The following COL25A1 variants were observed in gnomAD, a reference collection of about 807,000 sequenced individuals.
COL25A1 encodes collagen type XXV alpha 1 chain, also known as collagen alpha-1(XXV) chain.
In COL25A1, 103 loss-of-function variants were observed where a neutral mutation model predicts 128.4. The observed-to-expected ratio is 0.80, with a 90% CI of 0.68 to 0.94. The LOEUF (loss-of-function observed/expected upper bound fraction) is 0.94, where lower values mean the gene tolerates loss of function less well. COL25A1 is among the 40% of genes least tolerant of loss of function. The probability of loss-of-function intolerance (pLI) is 0.00; values close to 1 mark genes in which losing one functional copy is unlikely to be tolerated. For synonymous variants in COL25A1, 279 were observed against 277.2 expected, an observed-to-expected ratio of 1.01 and a Z score of -0.06; for missense variants, 745 against 840.0, an observed-to-expected ratio of 0.89 and a Z score of 1.40.
At chr4:109,091,911 C>T (rs992762774) in intron 3 of COL25A1, among the ~76,000 whole-genome samples, 2 of 152,098 alleles carry the variant, frequency 1.3e-5, no homozygotes, top group East Asian at 1.9e-4. Context: ...TGTGAGCCAG[C>T]GCTGTATGCC....
At position 109,144,631 on chromosome 4, in the gene COL25A1, T is replaced by C. The variant is rs191330229; in HGVS notation, c.368-94452A>G. On this transcript the variant is annotated intron_variant, in intron 3 of 37. Coordinates refer to ENST00000399132, the MANE Select transcript of COL25A1 (RefSeq NM_198721.4). Reference sequence around the variant, plus strand: ...ATTCTTTTTGTTCAGTGAAGCCAAATATACTTGGGGAAAAACTTCAGACTC... The same window carrying C: ...ATTCTTTTTGTTCAGTGAAGCCAAACATACTTGGGGAAAAACTTCAGACTC... Among the ~76,000 whole-genome samples, 960 of 152,286 alleles carry C rather than the reference T, an allele frequency of 6.3e-3. 8 individuals are homozygous for C. The highest frequency in any genetic ancestry group is 9.5e-3 in the Non-Finnish European group (644 of 68,016).
At chr4:109,065,545 C>CGCGTGTGT (rs771855567) in intron 3 of COL25A1, among the ~76,000 whole-genome samples, 20 of 141,190 alleles carry the variant, frequency 1.4e-4, no homozygotes, top group African/African-American at 4.5e-4. Flanking sequence ...CGCGCGCGCG[C>CGCGTGTGT]GTGTGTGTGT....
rs570620913 is a variant in COL25A1 at position 109,250,638 on chromosome 4, T to C, written c.367+49945A>G. 1.3e-4 allele frequency among the ~76,000 whole-genome samples: 20 copies of C among 152,310 alleles called. 1 individual carries two copies. The South Asian group carries it at 3.9e-3, about 30-fold the overall frequency. On this transcript the variant is annotated intron_variant, in intron 3 of 37. Transcript: ENST00000399132. Reference sequence around the variant, plus strand: ...GACAGAGAAAGCAAATTCTCCCTTATTCTACCTTTTTGTTCTATTCAGGCC... The same window carrying C: ...GACAGAGAAAGCAAATTCTCCCTTACTCTACCTTTTTGTTCTATTCAGGCC...
intron 8 of COL25A1, among the ~76,000 whole-genome samples, chr4:108,959,758 A>G (rs1019672467): frequency 5.3e-5 from 8 of 152,244 alleles, no homozygotes; most frequent in African/African-American, 1.9e-4. Context: ...GAGTTACAGC[A>G]CTAACATTCA....
chr4:108,888,524 G>A (rs1741087764), intron 18 of COL25A1, among the ~76,000 whole-genome samples: 2 of 152,146 alleles, frequency 1.3e-5, no homozygotes, highest in Admixed American at 6.6e-5. Flanking sequence ...CTGCTAGCAT[G>A]TGTTTCCTGT....
chr4:109,189,328 A>G (rs1207132259), intron 3 of COL25A1, among the ~76,000 whole-genome samples: 1 of 152,028 alleles, frequency 6.6e-6, no homozygotes, highest in Non-Finnish European at 1.5e-5. Context: ...CAGGTTGATC[A>G]CTTGAGGTCA....
chr4:108,828,729 T>C (rs1732688405), intron 32 of COL25A1, among the ~76,000 whole-genome samples: 1 of 152,216 alleles, frequency 6.6e-6, no homozygotes, highest in Non-Finnish European at 1.5e-5. Flanking sequence ...GGAGTAATGG[T>C]GATTTTATAT....
intron 4 of COL25A1, 150 bp downstream of exon 4, chr4:109,049,985 A>C: frequency 1.9e-6 from 1 of 537,592 alleles, no homozygotes. Flanking sequence ...AAAAATAATA[A>C]ATAAACAAAT....
chr4:108,881,588 A>C (rs1245087812), intron 19 of COL25A1, among the ~76,000 whole-genome samples: 1 of 152,216 alleles, frequency 6.6e-6, no homozygotes, highest in Non-Finnish European at 1.5e-5. Flanking sequence ...CTACTCGTTC[A>C]AACTATGAAA....
chr4:109,002,536 C>A (rs1755548845), intron 6 of COL25A1, among the ~76,000 whole-genome samples: 1 of 151,960 alleles, frequency 6.6e-6, no homozygotes, highest in South Asian at 2.1e-4. Flanking sequence ...AGAACAAAGG[C>A]TGGAGGGTGG....
chr4:108,951,994 A>G (rs1411625724), intron 8 of COL25A1, among the ~76,000 whole-genome samples: 1 of 152,224 alleles, frequency 6.6e-6, no homozygotes, highest in Non-Finnish European at 1.5e-5. Flanking sequence ...AAAATTAATG[A>G]CAAAGAGCTC....
chr4:108,823,473 G>A (rs752515744), intron 35 of COL25A1, among the ~76,000 whole-genome samples: 2 of 152,004 alleles, frequency 1.3e-5, no homozygotes, highest in Non-Finnish European at 2.9e-5. Flanking sequence ...CAAAGGAGAG[G>A]AAAGGAAAAA....
chr4:109,171,548 A>G (rs1773588909), intron 3 of COL25A1, among the ~76,000 whole-genome samples: 1 of 152,164 alleles, frequency 6.6e-6, no homozygotes, highest in South Asian at 2.1e-4. Flanking sequence ...GACTAATTTC[A>G]TTTTTTCAAA....
intron 3 of COL25A1, among the ~76,000 whole-genome samples, chr4:109,153,267 C>T (rs1553945274): frequency 4.6e-5 from 7 of 151,562 alleles, no homozygotes; most frequent in Non-Finnish European, 1.0e-4. Context: ...TGCCTGTAAT[C>T]CCAGCTACTC....
At chr4:109,111,417 A>C (rs1767006360) in intron 3 of COL25A1, among the ~76,000 whole-genome samples, 1 of 152,194 alleles carries the variant, frequency 6.6e-6, no homozygotes, top group Non-Finnish European at 1.5e-5. Flanking sequence ...TGCTTTACAA[A>C]TTCTTCCATT....
At chr4:109,091,168 G>T (rs1262276214) in intron 3 of COL25A1, among the ~76,000 whole-genome samples, 1 of 152,164 alleles carries the variant, frequency 6.6e-6, no homozygotes, top group Non-Finnish European at 1.5e-5. Context: ...TCAATACTCT[G>T]ACTACAACCT....
intron 3 of COL25A1, among the ~76,000 whole-genome samples, chr4:109,247,895 C>T (rs140877343): frequency 4.6e-5 from 7 of 151,804 alleles, no homozygotes; most frequent in African/African-American, 1.7e-4. Context: ...AGGCAAGAAA[C>T]GGGTCAAGAA....
intron 18 of COL25A1, among the ~76,000 whole-genome samples, chr4:108,884,664 C>T (rs1386071512): frequency 6.6e-6 from 1 of 152,142 alleles, no homozygotes; most frequent in Non-Finnish European, 1.5e-5. Context: ...ATGGTCACAT[C>T]AAAACAATAT....
intron 3 of COL25A1, among the ~76,000 whole-genome samples, chr4:109,211,431 C>A (rs1434206438): frequency 7.6e-6 from 1 of 132,438 alleles, no homozygotes; most frequent in African/African-American, 3.3e-5. Flanking sequence ...TGTTTGCTAG[C>A]TGTTCACTCT....
Sources: allele counts gnomAD v4.1 joint callset (sites outside exome capture counted in the v4.1 genomes callset), GRCh38; gene constraint gnomAD v4.1.1; transcripts MANE v1.5; gene names NCBI Gene and HGNC (gene_info 2026-07-23, HGNC 2026-07-21).